The following HTR4 variants were observed in gnomAD, a reference collection of about 807,000 sequenced individuals.
HTR4 encodes the protein 5-hydroxytryptamine (serotonin) receptor 4, G protein-coupled.
HTR4 carries 16 observed loss-of-function variants against 36.8 expected under a neutral mutation model. The observed-to-expected ratio is 0.43, with a 90% CI of 0.29 to 0.66. The LOEUF is 0.66. HTR4 is among the 30% of genes least tolerant of loss of function. HTR4 has a pLI of 0.13. For synonymous variants in HTR4, 189 were observed against 185.1 expected (o/e 1.02, Z -0.17); for missense variants, 438 against 490.9 (o/e 0.89, Z 1.02).
intron 1 of HTR4, chr5:148,646,429 G>C (rs1753877799): frequency 6.6e-6 from 1 of 152,208 alleles, no homozygotes; most frequent in African/African-American, 2.4e-5. Flanking sequence ...CTCCATTTCA[G>C]ATATCATGTG....
At chr5:148,564,279 A>G (rs1037011594) in intron 2 of HTR4, among the ~76,000 whole-genome samples, 1 of 152,142 alleles carries the variant, frequency 6.6e-6, no homozygotes, top group Admixed American at 6.6e-5. Flanking sequence ...AAGCTCTCGC[A>G]TGTCCTTCAG....
At chr5:148,476,540 G>T (rs544990809), downstream of HTR4, 11 of 1,385,534 alleles carry the variant, frequency 7.9e-6, 1 homozygote, top group South Asian at 7.3e-5. Context: ...AGTACTAATG[G>T]CAGAGCAGCA....
chr5:148,528,838 G>A (rs1758415104), intron 4 of HTR4, among the ~76,000 whole-genome samples: 1 of 151,984 alleles, frequency 6.6e-6, no homozygotes, highest in Non-Finnish European at 1.5e-5. Flanking sequence ...AAGGCAAAAT[G>A]CACTGGCTGG....
intron 1 of HTR4, chr5:148,644,575 A>T (rs1753826159): frequency 6.6e-6 from 1 of 152,086 alleles, no homozygotes; most frequent in Non-Finnish European, 1.5e-5. Context: ...AATATAAAAA[A>T]TGGAATAAGA....
intron 3 of HTR4, 78 bp downstream of exon 3, chr5:148,550,059 A>C (rs1389358513): frequency 7.1e-7 from 1 of 1,414,846 alleles, no homozygotes; most frequent in East Asian, 2.4e-5. Context: ...AAATTCTAAT[A>C]GAAATGTTCA....
intron 4 of HTR4, among the ~76,000 whole-genome samples, chr5:148,533,523 C>A (rs1309162691): frequency 6.6e-6 from 1 of 152,196 alleles, no homozygotes; most frequent in African/African-American, 2.4e-5. Context: ...CCCTTCCGTG[C>A]TCCTTCTGCA....
downstream of HTR4, among the ~76,000 whole-genome samples, chr5:148,477,603 T>A (rs1755740172): frequency 6.6e-6 from 1 of 152,170 alleles, no homozygotes; most frequent in African/African-American, 2.4e-5. Context: ...GGTTTTCTGA[T>A]CCCTGTGATA....
intron 2 of HTR4, among the ~76,000 whole-genome samples, chr5:148,615,559 T>A (rs1056245196): frequency 7.0e-6 from 1 of 142,518 alleles, no homozygotes; most frequent in East Asian, 2.2e-4. Flanking sequence ...AGGGATAGCA[T>A]TGGGAGATAT....
At chr5:148,455,777 C>T (rs180703655) in intron 5 of HTR4, among the ~76,000 whole-genome samples, 30 of 152,208 alleles carry the variant, frequency 2.0e-4, no homozygotes, top group African/African-American at 6.7e-4. Flanking sequence ...TCAGTTAATG[C>T]ATATTTTGTA....
intron 4 of HTR4, among the ~76,000 whole-genome samples, chr5:148,524,999 G>A (rs988512650): frequency 1.3e-5 from 2 of 152,124 alleles, no homozygotes; most frequent in African/African-American, 2.4e-5. Flanking sequence ...ACGACATTGT[G>A]CCAAAAGCTC....
At chr5:148,653,517 A>G (rs1754099134) in intron 1 of HTR4, among the ~76,000 whole-genome samples, 1 of 152,150 alleles carries the variant, frequency 6.6e-6, no homozygotes, top group Admixed American at 6.5e-5. Context: ...CCAAGGCTTT[A>G]TGCAGCACAT....
At chr5:148,528,274 G>C (rs115773801) in intron 4 of HTR4, among the ~76,000 whole-genome samples, 112 of 152,264 alleles carry the variant, frequency 7.4e-4, no homozygotes, top group African/African-American at 2.6e-3. Flanking sequence ...CTTCTTCAAT[G>C]TGGTCCTCTG....
chr5:148,545,427 G>A (rs562509058), intron 4 of HTR4, among the ~76,000 whole-genome samples: 1 of 152,206 alleles, frequency 6.6e-6, no homozygotes, highest in Non-Finnish European at 1.5e-5. Context: ...GTTCTATGAG[G>A]GCAGGGATCT....
chr5:148,504,898 A>T lies in HTR4; in HGVS notation c.1076+4558T>A, dbSNP rs372084334. Among the ~76,000 whole-genome samples the T allele has an allele frequency of 6.6e-5, 10 of 152,354 alleles. No homozygotes were observed. In the East Asian group the frequency reaches 1.9e-3, roughly 29 times the overall value. On this transcript the variant is annotated intron_variant, in intron 6 of 6. Transcript: ENST00000377888. ...CAAATAAACTAGAAAACCTACAAGA[A>T]ATGGATAAATTCCTGGACACATACA...
chr5:148,594,384 T>G (rs1017848559), intron 2 of HTR4, among the ~76,000 whole-genome samples: 11 of 148,952 alleles, frequency 7.4e-5, no homozygotes, highest in South Asian at 2.1e-4. Flanking sequence ...GTGTGTAAAG[T>G]TACCTAATTG....
intron 1 of HTR4, among the ~76,000 whole-genome samples, chr5:148,639,553 C>A (rs975278500): frequency 6.7e-4 from 101 of 150,548 alleles, no homozygotes; most frequent in African/African-American, 2.4e-3. Context: ...CACCTAACTA[C>A]AATTTCACAC....
chr5:148,638,219 A>G (rs896802328), intron 1 of HTR4, among the ~76,000 whole-genome samples: 1 of 152,192 alleles, frequency 6.6e-6, no homozygotes, highest in Non-Finnish European at 1.5e-5. Context: ...TAAACTTAAC[A>G]GGAGCTCCCA....
intron 6 of HTR4, among the ~76,000 whole-genome samples, chr5:148,492,766 T>C (rs1171051473): frequency 6.6e-6 from 1 of 152,208 alleles, no homozygotes; most frequent in African/African-American, 2.4e-5. Flanking sequence ...AGCTTGGAGA[T>C]GTTTGGTCAA....
chr5:148,497,572 T>C (rs547299209), intron 6 of HTR4, among the ~76,000 whole-genome samples: 1 of 152,360 alleles, frequency 6.6e-6, no homozygotes, highest in South Asian at 2.1e-4. Flanking sequence ...ATGCAGCTAA[T>C]GTTTTATCAT....
Sources: allele counts gnomAD v4.1 joint callset (sites outside exome capture counted in the v4.1 genomes callset), GRCh38; gene constraint gnomAD v4.1.1; transcripts MANE v1.5; gene names NCBI Gene and HGNC (gene_info 2026-07-23, HGNC 2026-07-21).